Variants in EVC2 observed in about 807,000 individuals in gnomAD.
EVC2 encodes EvC ciliary complex subunit 2.
EVC2 carries 148 observed loss-of-function variants against 149.3 expected under a neutral mutation model. That is an observed-to-expected ratio of 0.99 (90% CI 0.87 to 1.14). The LOEUF (loss-of-function observed/expected upper bound fraction) is 1.14, where lower values mean the gene tolerates loss of function less well. EVC2 is among the 50% of genes most tolerant of loss of function. The pLI is 0.00. For synonymous variants in EVC2, 776 were observed against 649.9 expected (o/e 1.19, Z -2.95); for missense variants, 1,854 against 1,627.3 (o/e 1.14, Z -2.40).
At chr4:5,545,592 C>T (rs1425828143) in intron 21 of EVC2, among the ~76,000 whole-genome samples, 1 of 152,182 alleles carries the variant, frequency 6.6e-6, no homozygotes, top group African/African-American at 2.4e-5. Context: ...TCTCTGGTTC[C>T]CTACTGGCCA....
At chr4:5,547,773 G>A (rs1721649573) in intron 21 of EVC2, among the ~76,000 whole-genome samples, 1 of 152,184 alleles carries the variant, frequency 6.6e-6, no homozygotes, top group Admixed American at 6.5e-5. Context: ...CAGGCTGAAA[G>A]AGCTATAACA....
intron 14 of EVC2, among the ~76,000 whole-genome samples, chr4:5,619,393 G>C (rs1715515820): frequency 6.6e-6 from 1 of 152,186 alleles, no homozygotes; most frequent in South Asian, 2.1e-4. Context: ...AACACACAGA[G>C]AGGCCATCTG....
intron 2 of EVC2, among the ~76,000 whole-genome samples, chr4:5,697,237 T>A (rs1437037336): frequency 6.6e-6 from 1 of 152,200 alleles, no homozygotes; most frequent in Non-Finnish European, 1.5e-5. Context: ...TCCAGTACTG[T>A]AAGAGAATAA....
At chr4:5,634,077 G>T (rs563551153) in intron 10 of EVC2, among the ~76,000 whole-genome samples, 1 of 152,334 alleles carries the variant, frequency 6.6e-6, no homozygotes, top group South Asian at 2.1e-4. Context: ...ATGACAGCAG[G>T]GGCCATGAGG....
chr4:5,618,516 C>T lies in EVC2; in HGVS notation c.2668G>A (p.Val890Met), dbSNP rs371698182. 202 of 1,613,736 alleles carry T rather than the reference C, an allele frequency of 1.3e-4. No homozygotes were observed. Among genetic ancestry groups the T allele is most frequent in the Non-Finnish European group, 1.4e-4 (165 of 1,180,050 alleles). The change falls in exon 15 of 22, where the codon GTG becomes ATG. Residue 890 changes from valine to methionine, a missense_variant. Val to Met is a conservative substitution (Grantham distance 21, BLOSUM62 1). Coordinates refer to ENST00000344408, the MANE Select transcript of EVC2 (RefSeq NM_147127.5). The surrounding 1 kb of genome is among the most constrained non-coding windows in gnomAD (Gnocchi z 4.4). ...GCAGCCACGGCCTGGTCCAGCTTCA[C>T]GAACTCTGCTTCTCGCCACGCAGTC... ...FQTAWREAEF[V>M]KLDQAVAAPE...
intron 16 of EVC2, among the ~76,000 whole-genome samples, chr4:5,587,329 T>C (rs1262321130): frequency 6.6e-6 from 1 of 152,210 alleles, no homozygotes; most frequent in Non-Finnish European, 1.5e-5. Flanking sequence ...ATTTTCCTTA[T>C]TCCGGATATT....
At chr4:5,631,369 C>T (rs1271590997) in intron 11 of EVC2, among the ~76,000 whole-genome samples, 1 of 152,114 alleles carries the variant, frequency 6.6e-6, no homozygotes, top group Non-Finnish European at 1.5e-5. Flanking sequence ...CTGGGAGCCA[C>T]CAAGCCTGGC....
chr4:5,560,675 T>G (rs1721923853), downstream of EVC2, among the ~76,000 whole-genome samples: 1 of 152,084 alleles, frequency 6.6e-6, no homozygotes, highest in South Asian at 2.1e-4. This position sits in a 1 kb window ranked among gnomAD's most constrained non-coding sequence, Gnocchi z 4.1. Flanking sequence ...GTAAAGATGT[T>G]AAAATATAAT....
rs561468384 is a variant in EVC2 at position 5,594,121 on chromosome 4, T to G, written c.2830-9271A>C. On this transcript the variant is annotated intron_variant, in intron 16 of 21. Transcript: ENST00000344408. Reference sequence around the variant, plus strand: ...GCTCAAGCAGGCCTGCCTGCCTCTGTAGGCTCCACCTCTGGGGGCAGGGCA... The same window carrying G: ...GCTCAAGCAGGCCTGCCTGCCTCTGGAGGCTCCACCTCTGGGGGCAGGGCA... Among the ~76,000 whole-genome samples, 355 of 152,284 alleles carry G rather than the reference T, an allele frequency of 2.3e-3. 2 individuals carry two copies. The highest frequency in any genetic ancestry group is 3.4e-3 in the Non-Finnish European group (232 of 68,010).
intron 16 of EVC2, among the ~76,000 whole-genome samples, chr4:5,595,037 G>A (rs967596718): frequency 2.6e-5 from 4 of 152,096 alleles, no homozygotes; most frequent in South Asian, 2.1e-4. Flanking sequence ...AAAAAGAAAC[G>A]AACAAAGCCT....
At chr4:5,592,868 G>A (rs1486904679) in intron 16 of EVC2, among the ~76,000 whole-genome samples, 1 of 152,130 alleles carries the variant, frequency 6.6e-6, no homozygotes, top group Non-Finnish European at 1.5e-5. Flanking sequence ...GATGTGATAT[G>A]GTTTGGCTGT....
In EVC2 at chr4:5,565,266, T is replaced by C. The variant is rs962774281; in HGVS notation, c.3651A>G (p.Arg1217=). 1.4e-5 allele frequency: 23 copies of C among 1,613,816 alleles called. No homozygotes were observed. The highest frequency in any genetic ancestry group is 1.9e-5 in the Non-Finnish European group (22 of 1,179,946). Reference sequence around the variant, plus strand: ...CAGGTGCCCATCATTACCTCTGCTTTCTCTTGCGGGCCCACAGCATCTTTT... The same window carrying C: ...CAGGTGCCCATCATTACCTCTGCTTCCTCTTGCGGGCCCACAGCATCTTTT... ...GLEKMLWARK[R]KQSILKKTCL... is the part of the protein sequence containing the mutation. Residue 1217 remains arginine, a synonymous_variant, in exon 21 of 22, where the codon AGA becomes AGG. Transcript: ENST00000344408.
intron 21 of EVC2, among the ~76,000 whole-genome samples, chr4:5,545,190 C>CTCAT (rs773872357): frequency 3.9e-5 from 6 of 152,220 alleles, no homozygotes; most frequent in Non-Finnish European, 7.3e-5. Context: ...GAGACATTCG[C>CTCAT]TCATTCATTC....
At chr4:5,709,539 G>A (rs1410836722), upstream of EVC2, 1 of 152,250 alleles carries the variant, frequency 6.6e-6, no homozygotes, top group African/African-American at 2.4e-5. Context: ...GAGAAGCTGA[G>A]AATTTATAAG....
At chr4:5,703,045 C>G (rs192079987) in intron 1 of EVC2, among the ~76,000 whole-genome samples, 12 of 152,220 alleles carry the variant, frequency 7.9e-5, no homozygotes, top group Admixed American at 5.9e-4. Flanking sequence ...TTCAGTAAGT[C>G]CTTACTTAAC....
rs1215959736 is a variant in EVC2 at position 5,588,124 on chromosome 4, AT to A, written c.2830-3275del. 2.0e-5 allele frequency among the ~76,000 whole-genome samples: 3 copies of A among 152,176 alleles called. No homozygotes were observed. The East Asian group carries it at 5.8e-4, about 29-fold the overall frequency. ...CTTTCAGCATTGTAAGTCTAAAAAA[AT>A]TTATTTCACCTTCATTCTTGAAAGA... On this transcript the variant is annotated intron_variant, in intron 16 of 21. Transcript: ENST00000344408.
chr4:5,694,540 A>G (rs770668902), intron 2 of EVC2, 39 bp from the exon 3 acceptor site: 5 of 1,612,024 alleles, frequency 3.1e-6, no homozygotes, highest in Non-Finnish European at 4.2e-6. Flanking sequence ...ATAATGCGGA[A>G]AGACAGTAAG....
chr4:5,543,810 C>T (rs542841274), intron 21 of EVC2, among the ~76,000 whole-genome samples: 1 of 152,274 alleles, frequency 6.6e-6, no homozygotes, highest in Non-Finnish European at 1.5e-5. Flanking sequence ...ACCAGGGCTG[C>T]GAGGGGCATC....
intron 21 of EVC2, among the ~76,000 whole-genome samples, chr4:5,564,934 T>C (rs184998476): frequency 2.6e-3 from 392 of 152,364 alleles, no homozygotes; most frequent in African/African-American, 8.8e-3. Context: ...GAAGGCTCAA[T>C]GCAGCAAGAC....
Sources: gnomAD v4.1 joint callset for allele counts (sites outside exome capture counted in the v4.1 genomes callset) on GRCh38, gnomAD v4.1.1 for gene constraint, Gnocchi (gnomAD v3.1) non-coding constraint, MANE v1.5 for transcripts, NCBI Gene and HGNC (gene_info 2026-07-23, HGNC 2026-07-21) for gene names.